NALCN: variants seen among roughly 807,000 people sequenced by gnomAD.
NALCN encodes sodium leak channel, non-selective.
NALCN carries 111 observed loss-of-function variants against 225.3 expected under a neutral mutation model. The observed-to-expected ratio is 0.49, with a 90% confidence interval of 0.42 to 0.58. The LOEUF (loss-of-function observed/expected upper bound fraction) is 0.58. Ranked by LOEUF, NALCN falls within the 20% of genes least tolerant of loss-of-function variation. The probability of loss-of-function intolerance (pLI) is 0.00; values close to 1 mark genes in which losing one functional copy is unlikely to be tolerated. For missense variants in NALCN, 1,378 were observed against 2,202.4 expected (o/e 0.63, Z 7.49); for synonymous variants, 764 against 769.0 (o/e 0.99, Z 0.11).
At chr13:101,295,656 G>A (rs1302207913) in intron 7 of NALCN, among the ~76,000 whole-genome samples, 1 of 152,102 alleles carries the variant, frequency 6.6e-6, no homozygotes, top group Non-Finnish European at 1.5e-5. Flanking sequence ...AGGGTTTGTT[G>A]ACACAAAGAG....
intron 7 of NALCN, among the ~76,000 whole-genome samples, chr13:101,296,087 C>G (rs998268141): frequency 3.9e-5 from 6 of 152,138 alleles, no homozygotes; most frequent in African/African-American, 1.4e-4. Context: ...TCCTCTGTGC[C>G]CTCAGCTACA....
rs181524397 is a variant in NALCN, at chr13:101,339,420, T to C, written c.799+5846A>G. ...TAATGTCTTAGCAGGGATGAGTCAG[T>C]TGGGGGTCCTTAGGAAGGAGCCACA... On this transcript the variant is annotated intron_variant, in intron 7 of 43. Coordinates refer to ENST00000251127, the MANE Select transcript of NALCN (RefSeq NM_052867.4). 2.6e-3 allele frequency among the ~76,000 whole-genome samples: 389 copies of C among 152,272 alleles called. 1 individual carries two copies. The highest frequency in any genetic ancestry group is 3.4e-3 in the Middle Eastern group (1 of 294).
chr13:101,289,179 C>T (rs112763241), intron 9 of NALCN, among the ~76,000 whole-genome samples: 51 of 152,278 alleles, frequency 3.3e-4, no homozygotes, highest in African/African-American at 9.4e-4. Flanking sequence ...TAGTTACCCA[C>T]GTCTAAGAAT....
intron 11 of NALCN, among the ~76,000 whole-genome samples, chr13:101,245,834 G>T (rs982844802): frequency 1.3e-5 from 2 of 152,150 alleles, no homozygotes; most frequent in Non-Finnish European, 2.9e-5. Context: ...ATGGATAATT[G>T]AAAGTACCTC....
At chr13:101,142,420 G>A (rs1459886266) in intron 17 of NALCN, among the ~76,000 whole-genome samples, 4 of 151,898 alleles carry the variant, frequency 2.6e-5, no homozygotes, top group Non-Finnish European at 5.9e-5. Flanking sequence ...GGGATTACAG[G>A]GGTGAGCCAT....
intron 18 of NALCN, among the ~76,000 whole-genome samples, chr13:101,121,213 G>A (rs1349894653): frequency 6.6e-6 from 1 of 152,046 alleles, no homozygotes; most frequent in African/African-American, 2.4e-5. Flanking sequence ...CAGGGGCCCT[G>A]AAGATCGCCT....
intron 7 of NALCN, among the ~76,000 whole-genome samples, chr13:101,330,032 G>A (rs1229163215): frequency 6.7e-6 from 1 of 149,812 alleles, no homozygotes; most frequent in Non-Finnish European, 1.5e-5. Flanking sequence ...GAGAGAGACT[G>A]TTTCAAAAAA....
At chr13:101,199,850 G>A (rs965280984) in intron 13 of NALCN, among the ~76,000 whole-genome samples, 2 of 152,034 alleles carry the variant, frequency 1.3e-5, no homozygotes, top group African/African-American at 4.8e-5. Context: ...AAAACACAGA[G>A]AAAAGCAGTG....
chr13:101,103,561 CGTGT>C (rs35723947), intron 25 of NALCN, among the ~76,000 whole-genome samples: 7 of 150,860 alleles, frequency 4.6e-5, no homozygotes, highest in Admixed American at 6.6e-5. Flanking sequence ...GTGTCCACAC[CGTGT>C]GTGTGTGTGT....
intron 11 of NALCN, among the ~76,000 whole-genome samples, chr13:101,246,423 T>G (rs1241842885): frequency 6.6e-6 from 1 of 152,192 alleles, no homozygotes; most frequent in Non-Finnish European, 1.5e-5. Flanking sequence ...GGCAATCCCA[T>G]TCTCTTACAT....
intron 2 of NALCN, among the ~76,000 whole-genome samples, chr13:101,397,597 GTA>G (rs1046607668): frequency 1.3e-5 from 2 of 150,894 alleles, no homozygotes; most frequent in African/African-American, 2.4e-5. Flanking sequence ...TGTGTAATGT[GTA>G]TATATGTGAT....
At position 101,319,866 on chromosome 13, in the gene NALCN, A is replaced by G. The variant is rs143350003; in HGVS notation, c.799+25400T>C. On this transcript the variant is annotated intron_variant, in intron 7 of 43. Coordinates refer to ENST00000251127, the MANE Select transcript of NALCN (RefSeq NM_052867.4). ...TTCACTGCTGTGAAAACTAACCAAT[A>G]TAAAATTTATGAATTAAAAAAATAG... Among the ~76,000 whole-genome samples the G allele has an allele frequency of 4.0e-3, 605 of 152,328 alleles. 4 individuals are homozygous for G. Among genetic ancestry groups the G allele is most frequent in the African/African-American group, 0.014 (576 of 41,576 alleles).
intron 42 of NALCN, 57 bp downstream of exon 42, chr13:101,059,761 A>T: frequency 6.6e-7 from 1 of 1,517,244 alleles, no homozygotes; most frequent in Non-Finnish European, 9.0e-7. Context: ...ATTTATTTTT[A>T]TTAAAAGAAA....
chr13:101,372,220 A>G (rs1301610720), intron 6 of NALCN, among the ~76,000 whole-genome samples: 1 of 152,182 alleles, frequency 6.6e-6, no homozygotes, highest in East Asian at 1.9e-4. Flanking sequence ...GACAAAAATA[A>G]GAGAGATTGA....
chr13:101,211,653 T>TAC (rs1489430743), intron 13 of NALCN, among the ~76,000 whole-genome samples: 1 of 137,274 alleles, frequency 7.3e-6, no homozygotes, highest in East Asian at 2.0e-4. Context: ...CAATAAACTA[T>TAC]ATATATATAT....
chr13:101,251,045 T>C (rs543090963), intron 11 of NALCN, among the ~76,000 whole-genome samples: 1 of 152,088 alleles, frequency 6.6e-6, no homozygotes, highest in Non-Finnish European at 1.5e-5. Flanking sequence ...GGTAGGAATG[T>C]AAATTGACAC....
rs542415027 is a variant in NALCN at position 101,136,707 on chromosome 13, A to T, written c.2118+6373T>A. Among the ~76,000 whole-genome samples, 375 of 152,254 alleles carry T rather than the reference A, an allele frequency of 2.5e-3. 6 individuals are homozygous for T. Among genetic ancestry groups the T allele is most frequent in the South Asian group, 2.7e-3 (13 of 4,822 alleles). ...ATTTTCTTAATCCAGTCTATCATTG[A>T]TGGACATTTGGGTTGGTTCCAGGTC... On this transcript the variant is annotated intron_variant, in intron 17 of 43. Coordinates refer to ENST00000251127, the MANE Select transcript of NALCN (RefSeq NM_052867.4).
At chr13:101,288,568 C>G (rs904792839) in intron 9 of NALCN, among the ~76,000 whole-genome samples, 1 of 152,192 alleles carries the variant, frequency 6.6e-6, no homozygotes, top group African/African-American at 2.4e-5. Flanking sequence ...ATTCTTCCCA[C>G]ACCAGTTCTA....
At chr13:101,359,202 A>G (rs780239356) in intron 6 of NALCN, among the ~76,000 whole-genome samples, 1 of 152,174 alleles carries the variant, frequency 6.6e-6, no homozygotes, top group Non-Finnish European at 1.5e-5. Context: ...AAATTTTTTA[A>G]AAAGCAAACA....
Sources: allele counts gnomAD v4.1 joint callset (sites outside exome capture counted in the v4.1 genomes callset), GRCh38; gene constraint gnomAD v4.1.1; transcripts MANE v1.5; gene names NCBI Gene and HGNC (gene_info 2026-07-23, HGNC 2026-07-21).